The following FOCAD variants were observed in gnomAD, a reference collection of about 807,000 sequenced individuals.
FOCAD encodes focadhesin.
In FOCAD, 198 loss-of-function variants were observed where a neutral mutation model predicts 225.6. The ratio of observed to expected loss-of-function variants is 0.88; its 90% confidence interval spans 0.78 to 0.99. The LOEUF is 0.99. FOCAD is among the 50% of genes least tolerant of loss of function. The pLI is 0.00. For synonymous variants in FOCAD, 897 were observed against 755.0 expected, an observed-to-expected ratio of 1.19 and a Z score of -3.08; for missense variants, 2,713 against 2,123.6, an observed-to-expected ratio of 1.28 and a Z score of -5.46.
At chr9:20,806,427 A>G (rs1212366870) in intron 11 of FOCAD, among the ~76,000 whole-genome samples, 1 of 152,136 alleles carries the variant, frequency 6.6e-6, no homozygotes, top group Non-Finnish European at 1.5e-5. Flanking sequence ...CCCAGAACTA[A>G]TTTTGTAGGC....
upstream of FOCAD, among the ~76,000 whole-genome samples, chr9:20,657,511 G>A (rs372270087): frequency 4.9e-5 from 3 of 61,230 alleles, no homozygotes; most frequent in Non-Finnish European, 9.5e-5. Context: ...TTCCCTTCTC[G>A]CTTCATTTCA....
At chr9:20,680,447 A>C (rs1042967699), upstream of FOCAD, among the ~76,000 whole-genome samples, 1 of 152,188 alleles carries the variant, frequency 6.6e-6, no homozygotes, top group Admixed American at 6.5e-5. Context: ...AGTCCCAGCT[A>C]CTTGGGAGGC....
intron 35 of FOCAD, among the ~76,000 whole-genome samples, chr9:20,975,901 T>C (rs760311651): frequency 3.9e-5 from 6 of 152,098 alleles, no homozygotes; most frequent in Non-Finnish European, 8.8e-5. Flanking sequence ...TACTAGAGGT[T>C]AGGAAGAGAA....
intron 2 of FOCAD, among the ~76,000 whole-genome samples, chr9:20,667,715 A>G (rs538607536): frequency 6.6e-6 from 1 of 152,246 alleles, no homozygotes; most frequent in African/African-American, 2.4e-5. Flanking sequence ...TGACAGGAAT[A>G]ATACTGCTTC....
At chr9:20,802,244 A>G (rs1008130915) in intron 11 of FOCAD, among the ~76,000 whole-genome samples, 5 of 152,128 alleles carry the variant, frequency 3.3e-5, no homozygotes, top group Admixed American at 3.3e-4. Flanking sequence ...CTACATTGAA[A>G]ACAATTTGTG....
At chr9:20,660,116 G>C (rs973826205) in intron 2 of FOCAD, among the ~76,000 whole-genome samples, 2 of 152,224 alleles carry the variant, frequency 1.3e-5, no homozygotes, top group African/African-American at 4.8e-5. Context: ...GACAGGTTCA[G>C]TGGTAGCTAA....
intron 11 of FOCAD, among the ~76,000 whole-genome samples, chr9:20,791,979 A>G (rs1239715373): frequency 6.6e-6 from 1 of 152,222 alleles, no homozygotes; most frequent in Admixed American, 6.5e-5. Context: ...CTGTCTCAGC[A>G]TTCTGGCAGC....
At chr9:20,784,480 A>G (rs1005050507) in intron 10 of FOCAD, among the ~76,000 whole-genome samples, 22 of 152,180 alleles carry the variant, frequency 1.4e-4, no homozygotes, top group Admixed American at 3.3e-4. Context: ...AAGAATCGGA[A>G]AAGTTTTTTT....
intron 18 of FOCAD, among the ~76,000 whole-genome samples, chr9:20,870,462 T>A (rs1829660633): frequency 6.6e-6 from 1 of 152,218 alleles, no homozygotes; most frequent in South Asian, 2.1e-4. Context: ...CACTTTCCAG[T>A]ACAGATGGTC....
intron 11 of FOCAD, among the ~76,000 whole-genome samples, chr9:20,797,432 A>C (rs1285848989): frequency 1.3e-5 from 2 of 152,162 alleles, no homozygotes; most frequent in Admixed American, 1.3e-4. Context: ...CACGATATTG[A>C]TTCTTCCTAC....
intron 25 of FOCAD, among the ~76,000 whole-genome samples, chr9:20,924,724 A>G (rs376238815): frequency 1.1e-4 from 16 of 152,314 alleles, no homozygotes; most frequent in South Asian, 6.2e-4. Flanking sequence ...CAGGAAGTAT[A>G]TGGAATCTAG....
intron 4 of FOCAD, among the ~76,000 whole-genome samples, chr9:20,725,475 C>T (rs979190998): frequency 6.6e-5 from 10 of 152,152 alleles, no homozygotes; most frequent in African/African-American, 2.4e-4. Flanking sequence ...TGAGAAACAG[C>T]CTTCTATAGA....
chr9:20,734,868 C>G (rs1448205494), intron 4 of FOCAD, among the ~76,000 whole-genome samples: 1 of 152,060 alleles, frequency 6.6e-6, no homozygotes, highest in Non-Finnish European at 1.5e-5. Context: ...AATTCCTGGG[C>G]CCAAGCGATT....
rs1011114894 is a variant in FOCAD at position 20,821,218 on chromosome 9, TGTA to T, written c.1793+148_1793+150del. ...TAACTTAAGTTTTCTGATTATAAAA[TGTA>T]ATAATATTGAACAATAGCTTTGAGA... On this transcript the variant is annotated intron_variant, in intron 14 of 43. Transcript: ENST00000338382. The T allele has an allele frequency of 1.6e-5, 10 of 640,600 alleles. No homozygotes were observed. In the African/African-American group the frequency reaches 1.9e-4, roughly 12 times the overall value. 39.7% of individuals were successfully genotyped at this position (640,600 alleles called of 1,614,324 possible).
chr9:20,694,920 G>C (rs1016486407), intron 1 of FOCAD, among the ~76,000 whole-genome samples: 5 of 152,112 alleles, frequency 3.3e-5, no homozygotes, highest in African/African-American at 1.2e-4. Context: ...TTGGTTTTTT[G>C]AAATCAGAAT....
chr9:20,889,087 C>G (rs1831384444), intron 21 of FOCAD, among the ~76,000 whole-genome samples: 1 of 152,180 alleles, frequency 6.6e-6, no homozygotes, highest in Non-Finnish European at 1.5e-5. Flanking sequence ...AGAACAATTT[C>G]ATTACCCAGA....
At chr9:20,967,672 T>A (rs7037167) in intron 35 of FOCAD, among the ~76,000 whole-genome samples, 114,719 of 151,896 alleles carry the variant, frequency 0.76, 43,575 homozygotes, top group East Asian at 0.94. Context: ...TAGTATTATG[T>A]GTGTTTTTTA....
At chr9:20,819,922 G>A (rs1824134590) in intron 12 of FOCAD, 22 bp downstream of exon 12, 2 of 1,398,466 alleles carry the variant, frequency 1.4e-6, no homozygotes, top group South Asian at 1.4e-5. Context: ...AATTAATTTA[G>A]TTGGCGAAAA....
chr9:20,900,312 A>G (rs771693480), intron 21 of FOCAD, among the ~76,000 whole-genome samples: 2 of 151,828 alleles, frequency 1.3e-5, no homozygotes, highest in Admixed American at 6.6e-5. Flanking sequence ...GCATTAGGTA[A>G]TGAGCTCTCT....
Sources: gnomAD v4.1 joint callset for allele counts (sites outside exome capture counted in the v4.1 genomes callset) on GRCh38, gnomAD v4.1.1 for gene constraint, MANE v1.5 for transcripts, NCBI Gene and HGNC (gene_info 2026-07-23, HGNC 2026-07-21) for gene names.